SH3GL2: variants seen among roughly 807,000 people sequenced by gnomAD.
SH3GL2 encodes SH3 domain containing GRB2 like 2, endophilin A1, also known as endophilin-A1.
In SH3GL2, 24 loss-of-function variants were observed where a neutral mutation model predicts 46.0. That is an observed-to-expected ratio of 0.52 (90% CI 0.38 to 0.73). SH3GL2 has a LOEUF of 0.73. Among genes scored for constraint, SH3GL2 ranks in the 30% least tolerant of loss-of-function variants. The pLI is 0.00. For missense variants in SH3GL2, 413 were observed against 424.2 expected, an observed-to-expected ratio of 0.97 and a Z score of 0.23; for synonymous variants, 196 against 147.1, an observed-to-expected ratio of 1.33 and a Z score of -2.40.
At chr9:17,580,960 G>A (rs1818266671) in intron 1 of SH3GL2, among the ~76,000 whole-genome samples, 1 of 152,204 alleles carries the variant, frequency 6.6e-6, no homozygotes, top group South Asian at 2.1e-4. Context: ...TCCTGCCTCT[G>A]CTGCTTCTGA....
chr9:17,704,284 A>T (rs1419042840), intron 1 of SH3GL2, among the ~76,000 whole-genome samples: 1 of 152,138 alleles, frequency 6.6e-6, no homozygotes, highest in African/African-American at 2.4e-5. Context: ...GCTCAAAGAA[A>T]TCGGAGATAA....
chr9:17,740,519 T>C (rs1445764142), intron 1 of SH3GL2, among the ~76,000 whole-genome samples: 1 of 152,076 alleles, frequency 6.6e-6, no homozygotes, highest in African/African-American at 2.4e-5. Flanking sequence ...GGTACTTTAC[T>C]AAATAACAAA....
intron 1 of SH3GL2, among the ~76,000 whole-genome samples, chr9:17,743,162 A>G (rs1235284643): frequency 2.0e-5 from 3 of 152,224 alleles, no homozygotes; most frequent in Non-Finnish European, 2.9e-5. Context: ...GGAAGTTTTA[A>G]TAACATTTAA....
At chr9:17,779,264 T>C (rs1447008171) in intron 3 of SH3GL2, among the ~76,000 whole-genome samples, 1 of 152,186 alleles carries the variant, frequency 6.6e-6, no homozygotes, top group Non-Finnish European at 1.5e-5. Context: ...AATTCTGATA[T>C]GCATCAGGTT....
In SH3GL2 at chr9:17,787,532, C is replaced by T. The variant is rs1217527734; in HGVS notation, c.465+19C>T. On this transcript the variant is annotated intron_variant, in intron 5 of 8. Coordinates refer to ENST00000380607, the MANE Select transcript of SH3GL2 (RefSeq NM_003026.5). ...AATTCAAGTATGTACAATGAGTCTT[C>T]TGGAAAGTGGGCAGTTGAAATCATA... 7 of 1,605,822 alleles carry T rather than the reference C, an allele frequency of 4.4e-6. No homozygotes were observed. The South Asian group carries it at 4.4e-5, about 10-fold the overall frequency.
chr9:17,609,592 A>T (rs2134578015), intron 1 of SH3GL2, among the ~76,000 whole-genome samples: 1 of 152,350 alleles, frequency 6.6e-6, no homozygotes, highest in South Asian at 2.1e-4. Flanking sequence ...GAAAGGTTTA[A>T]CAAAACATCT....
At chr9:17,744,477 C>T (rs540689467) in intron 1 of SH3GL2, among the ~76,000 whole-genome samples, 3 of 151,926 alleles carry the variant, frequency 2.0e-5, no homozygotes, top group South Asian at 4.2e-4. Flanking sequence ...GCAATTCTTT[C>T]ACCTCAGCCT....
At chr9:17,763,716 G>C (rs1030391435) in intron 3 of SH3GL2, among the ~76,000 whole-genome samples, 3 of 152,128 alleles carry the variant, frequency 2.0e-5, no homozygotes, top group Non-Finnish European at 4.4e-5. Flanking sequence ...AACTAATCCA[G>C]TACGCTAGCC....
chr9:17,724,035 T>C (rs1351998171), intron 1 of SH3GL2, among the ~76,000 whole-genome samples: 3 of 152,188 alleles, frequency 2.0e-5, no homozygotes, highest in African/African-American at 7.2e-5. Context: ...TTCATCAGTT[T>C]GGAAAATTTT....
chr9:17,669,064 G>A (rs7021598), intron 1 of SH3GL2, among the ~76,000 whole-genome samples: 7,047 of 152,102 alleles, frequency 0.046, 545 homozygotes, highest in African/African-American at 0.16. Flanking sequence ...TTCAAAGTCC[G>A]TTTCTCTGTT....
intron 3 of SH3GL2, among the ~76,000 whole-genome samples, chr9:17,785,921 T>G (rs1172334478): frequency 1.3e-5 from 2 of 152,174 alleles, no homozygotes; most frequent in Non-Finnish European, 2.9e-5. Context: ...TAAGGCCCAC[T>G]CTGCAGGAAT....
At chr9:17,580,796 C>T (rs1818263870) in intron 1 of SH3GL2, among the ~76,000 whole-genome samples, 2 of 152,298 alleles carry the variant, frequency 1.3e-5, no homozygotes, top group Middle Eastern at 3.4e-3. Context: ...TTTTTGATTG[C>T]TCTACTGGTC....
At chr9:17,719,045 G>C (rs1315823309) in intron 1 of SH3GL2, among the ~76,000 whole-genome samples, 1 of 152,114 alleles carries the variant, frequency 6.6e-6, no homozygotes, top group Non-Finnish European at 1.5e-5. Context: ...TATCTTCAGT[G>C]TGACCTGTCT....
chr9:17,689,391 CTG>C (rs1821012129), intron 1 of SH3GL2, among the ~76,000 whole-genome samples: 1 of 152,060 alleles, frequency 6.6e-6, no homozygotes, highest in African/African-American at 2.4e-5. Context: ...TCTGAATAAA[CTG>C]TGCACTTTAG....
At chr9:17,583,336 C>A (rs550075097) in intron 1 of SH3GL2, among the ~76,000 whole-genome samples, 1 of 152,012 alleles carries the variant, frequency 6.6e-6, no homozygotes, top group Non-Finnish European at 1.5e-5. Flanking sequence ...AGAAATGGGG[C>A]CTTTAGGAGG....
intron 1 of SH3GL2, among the ~76,000 whole-genome samples, chr9:17,619,263 T>C (rs1356208977): frequency 6.6e-6 from 1 of 152,192 alleles, no homozygotes; most frequent in East Asian, 1.9e-4. Context: ...TGTGTGTACA[T>C]GGATGTATTT....
chr9:17,737,534 G>C (rs565637696), intron 1 of SH3GL2, among the ~76,000 whole-genome samples: 67 of 152,102 alleles, frequency 4.4e-4, no homozygotes, highest in African/African-American at 1.6e-3. Context: ...AAGCTATCAG[G>C]CTCTGTAATA....
chr9:17,733,854 G>T (rs946854013), intron 1 of SH3GL2, among the ~76,000 whole-genome samples: 27 of 142,754 alleles, frequency 1.9e-4, no homozygotes, highest in African/African-American at 6.6e-4. Context: ...ATCATTCTCA[G>T]TAAACTATCG....
chr9:17,756,774 C>G (rs56261658), intron 2 of SH3GL2, among the ~76,000 whole-genome samples: 3 of 151,836 alleles, frequency 2.0e-5, no homozygotes, highest in African/African-American at 7.3e-5. Flanking sequence ...TGAATAGTGC[C>G]GCAATAAACA....
Sources: gnomAD v4.1 joint callset for allele counts (sites outside exome capture counted in the v4.1 genomes callset) on GRCh38, gnomAD v4.1.1 for gene constraint, MANE v1.5 for transcripts, NCBI Gene and HGNC (gene_info 2026-07-23, HGNC 2026-07-21) for gene names.